The following RGMA variants were observed in gnomAD, a reference collection of about 807,000 sequenced individuals.
The protein encoded by RGMA is repulsive guidance molecule BMP co-receptor a, also known as repulsive guidance molecule A.
A neutral mutation model predicts 23.2 loss-of-function variants in RGMA; 10 were observed. The ratio of observed to expected loss-of-function variants is 0.43; its 90% CI spans 0.27 to 0.73. The LOEUF (loss-of-function observed/expected upper bound fraction) is 0.73, where lower values mean the gene tolerates loss of function less well. Among genes scored for constraint, RGMA ranks in the 30% least tolerant of loss-of-function variants. RGMA has a pLI of 0.20. For synonymous variants in RGMA, 308 were observed against 279.3 expected (o/e 1.10, Z -1.03); for missense variants, 547 against 630.5 (o/e 0.87, Z 1.42).
Position 93,066,761 on chromosome 15 carries a change from C to T in RGMA, c.130+6155G>A, listed in dbSNP as rs1309373650. Among the ~76,000 whole-genome samples, 5 of 152,360 alleles carry T rather than the reference C, an allele frequency of 3.3e-5. No homozygotes were observed. The East Asian group carries it at 9.6e-4, about 29-fold the overall frequency. On this transcript the variant is annotated intron_variant, in intron 2 of 3. Transcript: ENST00000329082. Reference sequence around the variant, plus strand: ...CTCCTGACCTCAAGTGATCCACCCGCCTCGGCCTCCCAAAGTGCTGGGATT... The same window carrying T: ...CTCCTGACCTCAAGTGATCCACCCGTCTCGGCCTCCCAAAGTGCTGGGATT...
intron 2 of RGMA, among the ~76,000 whole-genome samples, chr15:93,059,747 G>A (rs1051608846): frequency 6.6e-6 from 1 of 152,198 alleles, no homozygotes; most frequent in Non-Finnish European, 1.5e-5. Context: ...CAGAGGTCAA[G>A]GACCTGAATG....
At chr15:93,049,052 C>G (rs568110963) in intron 3 of RGMA, among the ~76,000 whole-genome samples, 9 of 152,250 alleles carry the variant, frequency 5.9e-5, no homozygotes, top group Admixed American at 3.9e-4. Flanking sequence ...GTGCCAGGGA[C>G]TCAACCGCAA....
chr15:93,070,465 C>T (rs987213736), intron 2 of RGMA, among the ~76,000 whole-genome samples: 9 of 152,176 alleles, frequency 5.9e-5, no homozygotes, highest in South Asian at 4.2e-4. Flanking sequence ...CTCGATCTCC[C>T]GCCTTGCTCT....
At chr15:93,073,517 C>T in intron 1 of RGMA, 1 of 1,408,384 alleles carries the variant, frequency 7.1e-7, no homozygotes, top group Non-Finnish European at 9.5e-7. Context: ...CCACGAATAT[C>T]CAATCCAAGT....
chr15:93,060,571 G>A (rs1054044976), intron 2 of RGMA, among the ~76,000 whole-genome samples: 1 of 152,208 alleles, frequency 6.6e-6, no homozygotes, highest in African/African-American at 2.4e-5. Context: ...TGCTCAGCTT[G>A]GGACCCCTGG....
chr15:93,073,840 C>A, intron 1 of RGMA: 1 of 1,509,898 alleles, frequency 6.6e-7, no homozygotes, highest in Non-Finnish European at 8.8e-7. Context: ...CGCCCCCGTG[C>A]TGAGGGCCTG....
intron 2 of RGMA, among the ~76,000 whole-genome samples, chr15:93,056,277 G>C (rs1489315232): frequency 6.6e-6 from 1 of 152,222 alleles, no homozygotes; most frequent in Non-Finnish European, 1.5e-5. Context: ...GGAGGGGGCT[G>C]GTGGCGAAGT....
At chr15:93,073,731 G>A (rs575976127) in intron 1 of RGMA, 8 of 1,537,052 alleles carry the variant, frequency 5.2e-6, no homozygotes, top group African/African-American at 1.4e-5. Flanking sequence ...CGAGGTTCCC[G>A]CCCGTCGTGG....
chr15:93,058,558 T>C (rs1268659643), intron 2 of RGMA, among the ~76,000 whole-genome samples: 1 of 152,238 alleles, frequency 6.6e-6, no homozygotes, highest in Non-Finnish European at 1.5e-5. Flanking sequence ...GCATTTACTG[T>C]GGGCTAGACA....
At chr15:93,071,249 G>A (rs758991535) in intron 2 of RGMA, among the ~76,000 whole-genome samples, 7 of 152,162 alleles carry the variant, frequency 4.6e-5, no homozygotes, top group Non-Finnish European at 1.5e-5. Flanking sequence ...TTTCCAAAAC[G>A]TTGACTTCTT....
chr15:93,049,619 A>G (rs2054885240), intron 3 of RGMA, among the ~76,000 whole-genome samples: 1 of 152,204 alleles, frequency 6.6e-6, no homozygotes, highest in African/African-American at 2.4e-5. Flanking sequence ...GTATCATGAG[A>G]AACAAATAAA....
At position 93,045,059 on chromosome 15, in the gene RGMA, G is replaced by C. The variant is rs4778078; in HGVS notation, c.1292C>G (p.Ala431Gly). The C allele has an allele frequency of 1.1e-5, 17 of 1,572,698 alleles. No individual in the cohort carries two copies. The Middle Eastern group carries it at 5.1e-4, about 47-fold the overall frequency. ...GAGGGCGCCCAGGAGGGGCCGGGGG[G>C]CCAGGGGCAGCCCCGCAGCCGCCCT... Reference protein sequence around the residue: ...PGRAAAGLPLAPRPLLGALVP... With the variant: ...PGRAAAGLPLGPRPLLGALVP... The change falls in exon 4 of 4, where the codon GCC (alanine) becomes GGC (glycine). Residue 431 changes from alanine to glycine, a missense_variant. Transcript: ENST00000329082. The surrounding 1 kb of genome is among the most constrained non-coding windows in gnomAD (Gnocchi z 6.9).
At chr15:93,083,076 G>T (rs558294768) in intron 1 of RGMA, among the ~76,000 whole-genome samples, 3 of 152,304 alleles carry the variant, frequency 2.0e-5, no homozygotes, top group Admixed American at 6.5e-5. Context: ...AGGCTCAGAG[G>T]GCCAGTATGT....
At chr15:93,082,956 T>C (rs958918319) in intron 1 of RGMA, among the ~76,000 whole-genome samples, 1 of 152,262 alleles carries the variant, frequency 6.6e-6, no homozygotes, top group Non-Finnish European at 1.5e-5. Flanking sequence ...ACATCTCAAG[T>C]TTTAAGCCAG....
At position 93,045,027 on chromosome 15, in the gene RGMA, G is replaced by A; in HGVS notation, c.1324C>T (p.Leu442Phe). 3 of 1,600,732 alleles carry A rather than the reference G, an allele frequency of 1.9e-6. No homozygotes were observed. The highest frequency in any genetic ancestry group is 2.6e-6 in the Non-Finnish European group (3 of 1,174,068). The change falls in exon 4 of 4, where the codon CTC becomes TTC. Residue 442 changes from leucine to phenylalanine, a missense_variant. Leu to Phe is a conservative substitution (Grantham distance 22, BLOSUM62 0). Transcript: ENST00000329082. The surrounding 1 kb of genome is among the most constrained non-coding windows in gnomAD (Gnocchi z 6.9). ...CAGAACACAGGGAGCAGGGCCAGGA[G>A]CGGGACGAGGGCGCCCAGGAGGGGC... ...PRPLLGALVP[L>F]LALLPVFC
rs1491540285 is a variant in RGMA at position 93,038,570 on chromosome 15, T to TTTTTTTTTTTTTTTTTTTTTTTTTG, written c.*6427_*6428insCAAAAAAAAAAAAAAAAAAAAAAAA. The TTTTTTTTTTTTTTTTTTTTTTTTTG allele has an allele frequency of 1.2e-5, 1 of 80,942 alleles. No individual in the cohort carries two copies. Among genetic ancestry groups the TTTTTTTTTTTTTTTTTTTTTTTTTG allele is most frequent in the Non-Finnish European group, 2.2e-5 (1 of 45,060 alleles). 5.0% of individuals were successfully genotyped at this position (80,942 alleles called of 1,614,324 possible). The stretch of plus-strand genomic sequence containing the variant: ...CCTTAATGAACGAAACTGTTAGTTG[T>TTTTTTTTTTTTTTTTTTTTTTTTTG]TTTTTTTTTTTTTTTGAGACGGTGT... On this transcript the variant is annotated 3_prime_UTR_variant, in exon 4 of 4. Transcript: ENST00000329082.
rs149766795 is a variant in RGMA at position 93,055,831 on chromosome 15, C to T, written c.131-3324G>A. Among the ~76,000 whole-genome samples, 1,169 of 152,314 alleles carry T rather than the reference C, an allele frequency of 7.7e-3. 15 individuals are homozygous for T. The highest frequency in any genetic ancestry group is 0.026 in the African/African-American group (1,063 of 41,570). On this transcript the variant is annotated intron_variant, in intron 2 of 3. Coordinates refer to ENST00000329082, the MANE Select transcript of RGMA (RefSeq NM_020211.3). ...GCTCTACCCTCCAAATGGGTAACTC[C>T]GCAGCCTCCTGAATTTTAAGTGGAC...
chr15:93,047,417 C>T (rs1277410165), intron 3 of RGMA, among the ~76,000 whole-genome samples: 2 of 152,286 alleles, frequency 1.3e-5, no homozygotes, highest in Middle Eastern at 3.4e-3. Flanking sequence ...CCTGAAGCCA[C>T]GAAGGGAGGT....
At chr15:93,075,945 C>T (rs549153476) in intron 1 of RGMA, among the ~76,000 whole-genome samples, 10 of 152,272 alleles carry the variant, frequency 6.6e-5, no homozygotes, top group Admixed American at 1.3e-4. Context: ...AGCAGTATGG[C>T]GTTGTGTTGA....
Sources: gnomAD v4.1 joint callset for allele counts (sites outside exome capture counted in the v4.1 genomes callset) on GRCh38, gnomAD v4.1.1 for gene constraint, Gnocchi (gnomAD v3.1) non-coding constraint, MANE v1.5 for transcripts, NCBI Gene and HGNC (gene_info 2026-07-23, HGNC 2026-07-21) for gene names.